Variants in KIAA1958 observed in about 807,000 individuals in gnomAD.
KIAA1958 encodes the protein KIAA1958.
Under a neutral mutation model 47.2 loss-of-function variants are expected in KIAA1958, and 14 were observed. The observed-to-expected ratio is 0.30, with a 90% CI of 0.20 to 0.46. The LOEUF (loss-of-function observed/expected upper bound fraction) is 0.46. Ranked by LOEUF, KIAA1958 falls within the 20% of genes least tolerant of loss-of-function variation. The probability of loss-of-function intolerance (pLI) is 1.00; values close to 1 mark genes in which losing one functional copy is unlikely to be tolerated. For missense variants in KIAA1958, 803 were observed against 909.2 expected (o/e 0.88, Z 1.50); for synonymous variants, 354 against 353.3 (o/e 1.00, Z -0.02).
intron 1 of KIAA1958, among the ~76,000 whole-genome samples, chr9:112,542,045 A>G (rs1237491826): frequency 6.6e-6 from 1 of 152,196 alleles, no homozygotes; most frequent in African/African-American, 2.4e-5. Flanking sequence ...AAATTACTAG[A>G]TGGGTTAGTT....
chr9:112,548,639 G>GT (rs1420955537), intron 1 of KIAA1958, among the ~76,000 whole-genome samples: 1 of 152,160 alleles, frequency 6.6e-6, no homozygotes, highest in Non-Finnish European at 1.5e-5. Context: ...GACAAGCAAT[G>GT]TATCTTTAAG....
intron 2 of KIAA1958, among the ~76,000 whole-genome samples, chr9:112,605,482 T>C (rs1345157467): frequency 2.6e-5 from 4 of 152,204 alleles, no homozygotes; most frequent in Non-Finnish European, 5.9e-5. Context: ...GCCCCTGCCC[T>C]TCCTACTTAC....
At chr9:112,570,010 G>A (rs1177887273) in intron 1 of KIAA1958, among the ~76,000 whole-genome samples, 3 of 152,180 alleles carry the variant, frequency 2.0e-5, no homozygotes, top group Admixed American at 2.0e-4. Context: ...AGATCTAACA[G>A]GGACATGAAT....
At chr9:112,488,262 A>G (rs1163720675) in intron 1 of KIAA1958, among the ~76,000 whole-genome samples, 2 of 152,196 alleles carry the variant, frequency 1.3e-5, no homozygotes, top group Non-Finnish European at 2.9e-5. Context: ...TTCCACGTAT[A>G]TAACCCAACG....
chr9:112,619,307 C>G (rs1836459248), intron 2 of KIAA1958: 1 of 152,184 alleles, frequency 6.6e-6, no homozygotes, highest in African/African-American at 2.4e-5. Context: ...CCCAACTCCC[C>G]TTTTTTGTCT....
intron 2 of KIAA1958, among the ~76,000 whole-genome samples, chr9:112,625,715 G>A (rs1484225983): frequency 6.6e-6 from 1 of 152,164 alleles, no homozygotes; most frequent in Non-Finnish European, 1.5e-5. Flanking sequence ...AGTTCCAATA[G>A]GCTGTTCTTG....
intron 2 of KIAA1958, 72 bp from the exon 3 acceptor site, chr9:112,645,578 C>A: frequency 2.0e-6 from 2 of 1,007,606 alleles, no homozygotes; most frequent in Non-Finnish European, 2.9e-6. Context: ...TGTTATTTAT[C>A]ATCCCAAGAT....
chr9:112,553,482 A>G (rs1255486312), intron 1 of KIAA1958, among the ~76,000 whole-genome samples: 1 of 151,838 alleles, frequency 6.6e-6, no homozygotes, highest in Non-Finnish European at 1.5e-5. Context: ...TGGTTCCCTT[A>G]TTTACTAGCT....
chr9:112,650,897 A>G (rs1441178848), intron 3 of KIAA1958, among the ~76,000 whole-genome samples: 4 of 152,246 alleles, frequency 2.6e-5, no homozygotes, highest in Non-Finnish European at 4.4e-5. Flanking sequence ...AGCTGTTAAT[A>G]TCACACAAGG....
At chr9:112,491,874 T>TA (rs1833976614) in intron 1 of KIAA1958, among the ~76,000 whole-genome samples, 1 of 152,212 alleles carries the variant, frequency 6.6e-6, no homozygotes, top group Non-Finnish European at 1.5e-5. Flanking sequence ...TCAAAACTGA[T>TA]ACTGCTTTAA....
intron 3 of KIAA1958, among the ~76,000 whole-genome samples, chr9:112,657,231 T>C (rs866406906): frequency 2.0e-5 from 3 of 151,854 alleles, no homozygotes; most frequent in South Asian, 2.1e-4. Flanking sequence ...GGGACTGGAC[T>C]ACAGATGCAC....
At chr9:112,536,837 A>G (rs1030089286) in intron 1 of KIAA1958, among the ~76,000 whole-genome samples, 12 of 152,154 alleles carry the variant, frequency 7.9e-5, no homozygotes, top group African/African-American at 2.9e-4. Flanking sequence ...AATAAATTCC[A>G]AGTAGAATTT....
At chr9:112,521,241 C>G (rs1425633034) in intron 1 of KIAA1958, among the ~76,000 whole-genome samples, 1 of 152,094 alleles carries the variant, frequency 6.6e-6, no homozygotes, top group Admixed American at 6.6e-5. Context: ...ATAGGTCTTG[C>G]TCTGTTGCCC....
intron 1 of KIAA1958, among the ~76,000 whole-genome samples, chr9:112,544,510 A>G (rs886805698): frequency 2.0e-5 from 3 of 151,150 alleles, no homozygotes; most frequent in Non-Finnish European, 4.4e-5. Flanking sequence ...AGTTATGAAT[A>G]AATAAATAAA....
intron 1 of KIAA1958, among the ~76,000 whole-genome samples, chr9:112,542,256 T>C (rs923847333): frequency 1.3e-5 from 2 of 152,208 alleles, no homozygotes; most frequent in African/African-American, 4.8e-5. Context: ...AGGTTTAAAA[T>C]GTCCCAATAT....
intron 1 of KIAA1958, among the ~76,000 whole-genome samples, chr9:112,518,946 AG>A (rs1447793077): frequency 6.6e-6 from 1 of 151,282 alleles, no homozygotes; most frequent in Non-Finnish European, 1.5e-5. Context: ...GTGTTTTTTT[AG>A]AGACAGGGTC....
chr9:112,639,095 C>T (rs1397464484), intron 2 of KIAA1958, among the ~76,000 whole-genome samples: 1 of 152,146 alleles, frequency 6.6e-6, no homozygotes, highest in African/African-American at 2.4e-5. Flanking sequence ...CCTGCATAAC[C>T]ATAATATAAT....
intron 2 of KIAA1958, among the ~76,000 whole-genome samples, chr9:112,610,825 A>G (rs1230288558): frequency 6.6e-6 from 1 of 152,220 alleles, no homozygotes; most frequent in East Asian, 1.9e-4. Context: ...TTGCTTATGA[A>G]TACCAGTGCA....
chr9:112,526,164 G>A (rs554185789), intron 1 of KIAA1958, among the ~76,000 whole-genome samples: 227 of 32,204 alleles, frequency 7.0e-3, no homozygotes, highest in African/African-American at 0.023. Context: ...TTCCATTGAT[G>A]AATTCTCCCA....
Sources: allele counts gnomAD v4.1 joint callset (sites outside exome capture counted in the v4.1 genomes callset), GRCh38; gene constraint gnomAD v4.1.1; transcripts MANE v1.5; gene names NCBI Gene and HGNC (gene_info 2026-07-23, HGNC 2026-07-21).